The following ANKFN1 variants were observed in gnomAD, a reference collection of about 807,000 sequenced individuals.
The protein encoded by ANKFN1 is ankyrin repeat and fibronectin type-III domain-containing protein 1.
A neutral mutation model predicts 108.7 loss-of-function variants in ANKFN1; 74 were observed. The ratio of observed to expected loss-of-function variants is 0.68; its 90% CI spans 0.56 to 0.83. The LOEUF is 0.83. Ranked by LOEUF, ANKFN1 falls within the 40% of genes least tolerant of loss-of-function variation. The pLI, the probability that ANKFN1 is intolerant of heterozygous loss-of-function variation, is 0.00. For missense variants in ANKFN1, 1,505 were observed against 1,382.3 expected (o/e 1.09, Z -1.41); for synonymous variants, 547 against 516.2 (o/e 1.06, Z -0.81).
At chr17:56,196,197 A>G (rs763643044) in intron 1 of ANKFN1, among the ~76,000 whole-genome samples, 2 of 152,182 alleles carry the variant, frequency 1.3e-5, no homozygotes, top group African/African-American at 2.4e-5. Context: ...TTGAGGCTGC[A>G]GTTATCCATG....
intron 4 of ANKFN1, among the ~76,000 whole-genome samples, chr17:56,100,291 T>C (rs185006495): frequency 3.9e-5 from 6 of 152,324 alleles, no homozygotes; most frequent in Admixed American, 1.3e-4. Context: ...AGGAGCCTGC[T>C]GGAGCTCCTA....
intron 18 of ANKFN1, among the ~76,000 whole-genome samples, chr17:56,486,374 ACTCT>A (rs987494711): frequency 2.0e-5 from 3 of 152,044 alleles, no homozygotes; most frequent in Admixed American, 6.6e-5. Context: ...AAATTAATAC[ACTCT>A]CTAATACAAT....
chr17:56,192,093 G>A (rs529413077), intron 1 of ANKFN1, among the ~76,000 whole-genome samples: 120 of 152,100 alleles, frequency 7.9e-4, no homozygotes, highest in African/African-American at 2.6e-3. Context: ...CAGAAATAAC[G>A]CTGCTTACCT....
rs1474511033 is a variant in ANKFN1, at chr17:56,098,430, ACACACACACGCG to A, written c.288+52107_288+52118del. On this transcript the variant is annotated intron_variant, in intron 4 of 12. Transcript: ENST00000635860. Reference sequence around the variant, plus strand: ...CACATACACACAAACACACACACACACACACACACGCGCGCGCACATACTCTATCCCCATTCC... The same window carrying A: ...CACATACACACAAACACACACACACACGCGCACATACTCTATCCCCATTCC... 2.5e-3 allele frequency among the ~76,000 whole-genome samples: 365 copies of A among 146,282 alleles called. 2 individuals are homozygous for A. Among genetic ancestry groups the A allele is most frequent in the African/African-American group, 9.5e-3 (344 of 36,142 alleles).
rs189734261 is a variant in ANKFN1, at chr17:56,107,732, C to T, written c.288+61407C>T. ...TCACACCTGGCCCCTCCCCTGTGTT[C>T]ACCTGGTAACTCCTACTCTTTTCTT... On this transcript the variant is annotated intron_variant, in intron 4 of 12. Transcript: ENST00000635860. Among the ~76,000 whole-genome samples the T allele has an allele frequency of 1.6e-3, 239 of 152,288 alleles. 1 individual carries two copies. Among genetic ancestry groups the T allele is most frequent in the African/African-American group, 5.3e-3 (222 of 41,572 alleles).
chr17:56,096,973 G>A (rs549335709), intron 4 of ANKFN1, among the ~76,000 whole-genome samples: 4 of 152,124 alleles, frequency 2.6e-5, no homozygotes, highest in Admixed American at 1.3e-4. Context: ...CAACATACAT[G>A]GAGCCAGAGG....
At chr17:56,144,087 G>C (rs1387651426) in intron 4 of ANKFN1, among the ~76,000 whole-genome samples, 2 of 141,414 alleles carry the variant, frequency 1.4e-5, no homozygotes, top group African/African-American at 5.3e-5. Context: ...GAGGGCAGAG[G>C]TTGTCATTTG....
intron 20 of ANKFN1, among the ~76,000 whole-genome samples, chr17:56,509,590 G>A (rs2051677819): frequency 6.6e-6 from 1 of 152,194 alleles, no homozygotes; most frequent in African/African-American, 2.4e-5. Flanking sequence ...ACATAAGTGC[G>A]TTGGTGTCCC....
At chr17:56,189,179 T>TTTTTTTGTTTTTTTTTTTTG (rs1912606115) in intron 1 of ANKFN1, among the ~76,000 whole-genome samples, 3 of 111,398 alleles carry the variant, frequency 2.7e-5, no homozygotes, top group Non-Finnish European at 5.0e-5. Flanking sequence ...ACTTTTTTTT[T>TTTTTTTGTTTTTTTTTTTTG]TTTTTTTTTG....
intron 4 of ANKFN1, among the ~76,000 whole-genome samples, chr17:56,333,191 A>G (rs755447757): frequency 1.4e-4 from 21 of 152,058 alleles, no homozygotes; most frequent in Admixed American, 5.2e-4. Context: ...ACTGGCTAGG[A>G]TGCCCAGTAC....
At chr17:56,435,934 A>G (rs2048916500) in intron 8 of ANKFN1, among the ~76,000 whole-genome samples, 1 of 151,978 alleles carries the variant, frequency 6.6e-6, no homozygotes, top group Non-Finnish European at 1.5e-5. Context: ...ACTTTATACT[A>G]TGTTCTCTGC....
intron 8 of ANKFN1, among the ~76,000 whole-genome samples, chr17:56,391,212 CATATATATATATAT>C (rs202114506): frequency 3.9e-4 from 47 of 121,418 alleles, no homozygotes; most frequent in African/African-American, 1.2e-3. Context: ...CCCAAGAATA[CATATATATATATAT>C]ATATATATAT....
In ANKFN1 at chr17:56,351,053, A is replaced by G. The variant is rs1806329861; in HGVS notation, c.390+86A>G. The G allele has an allele frequency of 2.0e-5, 27 of 1,371,494 alleles. No homozygotes were observed. The South Asian group carries it at 3.5e-4, about 18-fold the overall frequency. 85.0% of individuals were successfully genotyped at this position (1,371,494 alleles called of 1,614,324 possible). A position where few individuals can be genotyped will look rare whatever the true frequency, so the allele number is the denominator to read the frequency against. On this transcript the variant is annotated intron_variant, in intron 5 of 20. Coordinates refer to ENST00000682825, the MANE Select transcript of ANKFN1 (RefSeq NM_001370326.1). ...GGATATTCTAAGATGATTCATGTTT[A>G]CTTCAGAAGTTGATGCTTGCAATTT...
chr17:56,281,704 C>G (rs1002322335), intron 3 of ANKFN1, among the ~76,000 whole-genome samples: 1 of 152,148 alleles, frequency 6.6e-6, no homozygotes, highest in African/African-American at 2.4e-5. Context: ...AAACACTTCA[C>G]AGAAGATATA....
chr17:56,310,027 G>A (rs76904865), intron 3 of ANKFN1, among the ~76,000 whole-genome samples: 2,807 of 152,222 alleles, frequency 0.018, 105 homozygotes, highest in African/African-American at 0.063. Context: ...ATCCTGGATC[G>A]TTGAGCCATG....
At chr17:56,297,511 T>A (rs997131203) in intron 3 of ANKFN1, among the ~76,000 whole-genome samples, 1 of 152,200 alleles carries the variant, frequency 6.6e-6, no homozygotes, top group South Asian at 2.1e-4. Flanking sequence ...CTGGTTGAAC[T>A]TCAAAACAAC....
At chr17:56,189,221 A>G (rs1414928161) in intron 1 of ANKFN1, among the ~76,000 whole-genome samples, 2 of 109,844 alleles carry the variant, frequency 1.8e-5, no homozygotes, top group Non-Finnish European at 3.3e-5. Context: ...CCCAGGCTGG[A>G]GTGCAGTGGC....
In ANKFN1 at chr17:56,515,003, T is replaced by C. The variant is rs2051877327; in HGVS notation, c.*3734T>C. On this transcript the variant is annotated 3_prime_UTR_variant, in exon 21 of 21. Transcript: ENST00000682825. The stretch of plus-strand genomic sequence containing the variant: ...GGAGGCATCCCAGAAAATACCTGCT[T>C]GGCCTCCTCTGGTTCTTCATCCTGC... 6.6e-6 allele frequency among the ~76,000 whole-genome samples: 1 copy of C among 152,046 alleles called. No individual in the cohort carries two copies. The highest frequency in any genetic ancestry group is 1.5e-5 in the Non-Finnish European group (1 of 67,990).
At chr17:56,096,768 A>G (rs1486073541) in intron 4 of ANKFN1, among the ~76,000 whole-genome samples, 1 of 152,238 alleles carries the variant, frequency 6.6e-6, no homozygotes. Flanking sequence ...TTGGGTGTAT[A>G]CCCAAAGGAA....
Sources: allele counts gnomAD v4.1 joint callset (sites outside exome capture counted in the v4.1 genomes callset), GRCh38; gene constraint gnomAD v4.1.1; transcripts MANE v1.5; gene names NCBI Gene and HGNC (gene_info 2026-07-23, HGNC 2026-07-21).